Variants in AATK observed in about 807,000 individuals in gnomAD.
AATK encodes serine/threonine-protein kinase LMTK1.
AATK carries 91 observed loss-of-function variants against 114.3 expected under a neutral mutation model. The observed-to-expected ratio is 0.80, with a 90% confidence interval of 0.67 to 0.95. The LOEUF (loss-of-function observed/expected upper bound fraction) is 0.95, where lower values mean the gene tolerates loss of function less well. Among genes scored for constraint, AATK ranks in the 40% least tolerant of loss-of-function variants. AATK has a pLI of 0.00. For synonymous variants in AATK, 1,075 were observed against 916.5 expected, an observed-to-expected ratio of 1.17 and a Z score of -3.12; for missense variants, 2,176 against 1,965.2, an observed-to-expected ratio of 1.11 and a Z score of -2.03.
chr17:81,160,809 G>A (rs940397282), intron 1 of AATK, among the ~76,000 whole-genome samples: 1 of 152,218 alleles, frequency 6.6e-6, no homozygotes, highest in Admixed American at 6.5e-5. Flanking sequence ...GAAGAACCCC[G>A]TGAGCTGGAG....
At position 81,121,488 on chromosome 17, in the gene AATK, G is replaced by T; in HGVS notation, c.2448C>A (p.Ala816=). Residue 816 remains alanine, a synonymous_variant, in exon 11 of 14, where the codon GCC becomes GCA. Transcript: ENST00000326724. ...CAGGCAGGGCATCAGGGGCGTCGGGGGCACTGGCCTCCTCCGAGGGAAGTG... is the reference window on the plus strand; with the variant it reads ...CAGGCAGGGCATCAGGGGCGTCGGGTGCACTGGCCTCCTCCGAGGGAAGTG... The part of the protein sequence containing the change: ...GAPLPSEEAS[A]PDAPDALPDS... 6.4e-7 allele frequency: 1 copy of T among 1,565,822 alleles called. No homozygotes were observed. Among genetic ancestry groups the T allele is most frequent in the Non-Finnish European group, 8.7e-7 (1 of 1,154,200 alleles).
chr17:81,125,026 G>A lies in AATK; in HGVS notation c.756-12C>T. ...GCAGGGCCAGGTCGCTGCAGGCAGG[G>A]GCAGGGGCAGGGGCAGGGTGAGCAG... is the stretch of plus-strand genomic sequence containing the variant. On this transcript the variant is annotated splice_polypyrimidine_tract_variant and intron_variant, in intron 7 of 13. Coordinates refer to ENST00000326724, the MANE Select transcript of AATK (RefSeq NM_001080395.3). 6.8e-7 allele frequency: 1 copy of A among 1,475,968 alleles called. No individual in the cohort carries two copies. 91.4% of individuals were successfully genotyped at this position (1,475,968 alleles called of 1,614,324 possible). A position where few individuals can be genotyped will look rare whatever the true frequency, so the allele number is the denominator to read the frequency against.
rs970424844 is a variant in AATK at position 81,126,409 on chromosome 17, G to T, written c.755+18C>A. The T allele has an allele frequency of 7.7e-6, 12 of 1,549,412 alleles. No individual in the cohort carries two copies. Among genetic ancestry groups the T allele is most frequent in the African/African-American group, 1.4e-5 (1 of 73,178 alleles). On this transcript the variant is annotated intron_variant, in intron 7 of 13. Transcript: ENST00000326724. This position sits in a 1 kb window ranked among gnomAD's most constrained non-coding sequence, Gnocchi z 5.1. ...CTGGCCTAGGGCTTCCCGGCCGCTG[G>T]CCCGCGCCCGCCCTCACCTGTGCAC... is the stretch of plus-strand genomic sequence containing the variant.
intron 1 of AATK, among the ~76,000 whole-genome samples, chr17:81,135,403 C>T (rs1206349582): frequency 6.6e-6 from 1 of 152,178 alleles, no homozygotes; most frequent in East Asian, 1.9e-4. Context: ...CCGCACCCAG[C>T]TCCAATCCAT....
At chr17:81,163,233 C>A (rs557107108) in intron 1 of AATK, among the ~76,000 whole-genome samples, 2 of 152,294 alleles carry the variant, frequency 1.3e-5, no homozygotes, top group East Asian at 1.9e-4. Flanking sequence ...GGGCTCAGGA[C>A]GACTAGAAAT....
chr17:81,121,098 G>A lies in AATK; in HGVS notation c.2838C>T (p.Ser946=), dbSNP rs749160742. 8 of 1,605,990 alleles carry A rather than the reference G, an allele frequency of 5.0e-6. No homozygotes were observed. Among genetic ancestry groups the A allele is most frequent in the Non-Finnish European group, 6.8e-6 (8 of 1,176,524 alleles). The change falls in exon 11 of 14, where the codon TCC becomes TCT. Residue 946 remains serine (S), a synonymous_variant. Transcript: ENST00000326724. ...GCGCCTCCTTGAGCACAAACTCAGG[G>A]GACTCATAGTTCTCGGTGTCATAGC... ...DSGYDTENYE[S]PEFVLKEAQE...
At chr17:81,138,472 CATG>C (rs1236112832) in intron 1 of AATK, among the ~76,000 whole-genome samples, 3 of 150,412 alleles carry the variant, frequency 2.0e-5, no homozygotes, top group African/African-American at 4.9e-5. Context: ...CACCCACCCA[CATG>C]CACACATGCA....
intron 1 of AATK, among the ~76,000 whole-genome samples, chr17:81,161,079 C>T (rs141273194): frequency 0.011 from 1,669 of 152,248 alleles, 33 homozygotes; most frequent in African/African-American, 0.038. Context: ...GTCAGAGGCT[C>T]CTGATGTCTC....
At chr17:81,128,025 C>G in intron 4 of AATK, 115 bp from the exon 5 acceptor site, 1 of 1,297,718 alleles carries the variant, frequency 7.7e-7, no homozygotes, top group African/African-American at 1.5e-5. Context: ...CACTTCTCCT[C>G]CTGTGCCCCG....
intron 2 of AATK, among the ~76,000 whole-genome samples, chr17:81,132,423 C>T (rs1427937263): frequency 1.3e-5 from 2 of 152,208 alleles, no homozygotes; most frequent in East Asian, 1.9e-4. Flanking sequence ...TCGGTATTCC[C>T]GCAGGCCAGG....
chr17:81,155,609 C>G (rs995627941), intron 1 of AATK, among the ~76,000 whole-genome samples: 3 of 151,914 alleles, frequency 2.0e-5, no homozygotes, highest in African/African-American at 7.3e-5. Flanking sequence ...TGGTCTCGAA[C>G]TCCTGACCTT....
chr17:81,142,814 C>A (rs1394451148), intron 1 of AATK, among the ~76,000 whole-genome samples: 1 of 152,058 alleles, frequency 6.6e-6, no homozygotes, highest in Non-Finnish European at 1.5e-5. Context: ...TCCCCGTCCC[C>A]CAAAGTCCAC....
rs773881001 is a variant in AATK at position 81,121,045 on chromosome 17, G to T, written c.2891C>A (p.Ala964Glu). 3.7e-6 allele frequency: 6 copies of T among 1,609,316 alleles called. No individual in the cohort carries two copies. In the South Asian group the frequency reaches 6.6e-5, roughly 18 times the overall value. The change falls in exon 11 of 14, where the codon GCG becomes GAG. Residue 964 changes from alanine (A) to glutamate (E), a missense_variant. Ala to Glu is a moderately radical substitution (Grantham distance 107). Around this residue, in one of 4 missense-constraint regions of AATK, gnomAD observed 1,701 missense variants for 1,394.7 expected, o/e 1.22. Coordinates refer to ENST00000326724, the MANE Select transcript of AATK (RefSeq NM_001080395.3). ...AQEGCEPQAF[A>E]ELASEGEGPG... The stretch of plus-strand genomic sequence containing the variant: ...GCCCTCACCCTCTGAGGCCAGCTCC[G>T]CAAAGGCCTGGGGCTCACACCCTTC...
At position 81,122,636 on chromosome 17, in the gene AATK, T is replaced by C; in HGVS notation, c.1300A>G (p.Met434Val). The change falls in exon 11 of 14, where the codon ATG (methionine) becomes GTG (valine). Residue 434 changes from methionine (M) to valine (V), a missense_variant. By Grantham distance (21) the Met-to-Val change is conservative. Coordinates refer to ENST00000326724, the MANE Select transcript of AATK (RefSeq NM_001080395.3). ...VGPGPGAAGP[M>V]LGGVVELAAA... The stretch of plus-strand genomic sequence containing the variant: ...GCGAGCTCCACCACGCCGCCCAGCA[T>C]GGGCCCCGCCGCACCGGGCCCGGGC... The C allele has an allele frequency of 1.4e-6, 2 of 1,426,668 alleles. No individual in the cohort carries two copies. The highest frequency in any genetic ancestry group is 2.8e-5 in the Admixed American group (1 of 35,778). The allele number at this position is 1,426,668 out of a possible 1,614,324, so 88.4% of individuals were successfully genotyped here.
intron 1 of AATK, among the ~76,000 whole-genome samples, chr17:81,160,589 G>T (rs2146420222): frequency 6.6e-6 from 1 of 152,326 alleles, no homozygotes; most frequent in Admixed American, 6.5e-5. Context: ...CTGTCACTGT[G>T]GCCTGCGGAG....
At position 81,126,528 on chromosome 17, in the gene AATK, C is replaced by G. The variant is rs1248913450; in HGVS notation, c.654G>C (p.Arg218=). The G allele has an allele frequency of 6.5e-7, 1 of 1,548,290 alleles. No homozygotes were observed. The highest frequency in any genetic ancestry group is 2.0e-5 in the Admixed American group (1 of 51,074). The change falls in exon 7 of 14, where the codon CGG becomes CGC. Residue 218 remains arginine, a synonymous_variant. Transcript: ENST00000326724. This position sits in a 1 kb window ranked among gnomAD's most constrained non-coding sequence, Gnocchi z 5.1. Reference sequence around the variant, plus strand: ...GGTCGGGAGCCATGGACTCCGCCACCCGGCAGCTCCGCAGGTAGCCCTTGA... The same window carrying G: ...GGTCGGGAGCCATGGACTCCGCCACGCGGCAGCTCCGCAGGTAGCCCTTGA... ...GDLKGYLRSC[R]VAESMAPDPR...
intron 1 of AATK, among the ~76,000 whole-genome samples, chr17:81,154,897 TG>T (rs1266893780): frequency 3.3e-5 from 5 of 152,192 alleles, no homozygotes; most frequent in African/African-American, 1.2e-4. Flanking sequence ...CCCAAACTGC[TG>T]GGATGACAGG....
At chr17:81,132,302 C>T (rs529066271) in intron 2 of AATK, among the ~76,000 whole-genome samples, 18 of 152,318 alleles carry the variant, frequency 1.2e-4, no homozygotes, top group African/African-American at 3.8e-4. Context: ...CTGGTGAGTC[C>T]GAGGACAGGC....
In AATK at chr17:81,119,522, G is replaced by A. The variant is rs371481808; in HGVS notation, c.3942C>T (p.Ala1314=). The change falls in exon 13 of 14, where the codon GCC becomes GCT. Residue 1314 remains alanine (A), a synonymous_variant. Transcript: ENST00000326724. ...CGGGTGCGGCCGGGTCTAGGGCCATGGCGAAGGCTGCCTTGGCCGTCATCA... is the reference window on the plus strand; with the variant it reads ...CGGGTGCGGCCGGGTCTAGGGCCATAGCGAAGGCTGCCTTGGCCGTCATCA... ...FPLMTAKAAF[A]MALDPAAPAP... The A allele has an allele frequency of 2.8e-5, 44 of 1,571,010 alleles. No individual in the cohort carries two copies. The highest frequency in any genetic ancestry group is 3.6e-5 in the Non-Finnish European group (42 of 1,160,886).
Sources: allele counts gnomAD v4.1 joint callset (sites outside exome capture counted in the v4.1 genomes callset), GRCh38; gene constraint gnomAD v4.1.1; regional missense constraint gnomAD v4.1.1; non-coding constraint Gnocchi (gnomAD v3.1); transcripts MANE v1.5; gene names NCBI Gene and HGNC (gene_info 2026-07-23, HGNC 2026-07-21).